WASL: variants seen among roughly 807,000 people sequenced by gnomAD.
WASL encodes actin nucleation-promoting factor WASL.
A neutral mutation model predicts 55.5 loss-of-function variants in WASL; 20 were observed. The ratio of observed to expected loss-of-function variants is 0.36; its 90% confidence interval spans 0.25 to 0.52. The LOEUF is 0.52. Among genes scored for constraint, WASL ranks in the 20% least tolerant of loss-of-function variants. The pLI is 0.92. For synonymous variants in WASL, 249 were observed against 217.6 expected (o/e 1.14, Z -1.27); for missense variants, 504 against 622.5 (o/e 0.81, Z 2.03).
At position 123,692,830 on chromosome 7, in the gene WASL, A is replaced by T; in HGVS notation, c.864T>A (p.Pro288=). 1 of 1,394,474 alleles carries T rather than the reference A, an allele frequency of 7.2e-7. No individual in the cohort carries two copies. The highest frequency in any genetic ancestry group is 9.3e-7 in the Non-Finnish European group (1 of 1,070,412). The allele number at this position is 1,394,474 out of a possible 1,614,324, so 86.4% of individuals were successfully genotyped here. A position where few individuals can be genotyped will look rare whatever the true frequency, so the allele number is the denominator to read the frequency against. Residue 288 remains proline (P), a synonymous_variant, in exon 9 of 11, where the codon CCT becomes CCA. Coordinates refer to ENST00000223023, the MANE Select transcript of WASL (RefSeq NM_003941.4). ...AGTTGTGTGGAGGGGGAGGAGGAGG[A>T]GGTGGCCCTCCCCTTGATGGTGGTG... The part of the protein sequence containing the change: ...PPPPPSRGGP[P]PPPPPPHNSG...
intron 8 of WASL, 141 bp downstream of exon 8, chr7:123,694,574 G>A (rs1292049007): frequency 8.1e-6 from 6 of 744,418 alleles, no homozygotes; most frequent in Non-Finnish European, 1.3e-5. Flanking sequence ...AAGACACAGT[G>A]TGATGGGCCA....
chr7:123,697,759 A>C (rs1409040809), intron 5 of WASL, among the ~76,000 whole-genome samples: 1 of 152,194 alleles, frequency 6.6e-6, no homozygotes, highest in African/African-American at 2.4e-5. Flanking sequence ...ACCACTTGGG[A>C]AGTTGGATTT....
At chr7:123,726,866 A>AAAT (rs144632237) in intron 1 of WASL, among the ~76,000 whole-genome samples, 32,093 of 151,254 alleles carry the variant, frequency 0.21, 4,079 homozygotes, top group Non-Finnish European at 0.3. Flanking sequence ...ACTTCATCTC[A>AAAT]AATAATAATA....
At chr7:123,692,199 A>C in intron 9 of WASL, 148 bp downstream of exon 9, 1 of 1,122,946 alleles carries the variant, frequency 8.9e-7, no homozygotes, top group Non-Finnish European at 1.2e-6. Flanking sequence ...ATGTCACTGC[A>C]TGTAAAAGTA....
At chr7:123,709,906 T>C (rs529240365) in intron 1 of WASL, among the ~76,000 whole-genome samples, 5 of 152,264 alleles carry the variant, frequency 3.3e-5, no homozygotes, top group South Asian at 2.1e-4. Context: ...TGAAAAAGAT[T>C]TGAGTGACTA....
At chr7:123,713,883 T>C (rs1340784787) in intron 1 of WASL, among the ~76,000 whole-genome samples, 1 of 152,156 alleles carries the variant, frequency 6.6e-6, no homozygotes, top group Non-Finnish European at 1.5e-5. Flanking sequence ...ATACAGTTAT[T>C]AGCAGGATGA....
intron 1 of WASL, among the ~76,000 whole-genome samples, chr7:123,740,551 T>C (rs981099119): frequency 6.6e-6 from 1 of 152,114 alleles, no homozygotes; most frequent in Non-Finnish European, 1.5e-5. Flanking sequence ...TCAAATAACA[T>C]CCTTTTGTTC....
intron 1 of WASL, among the ~76,000 whole-genome samples, chr7:123,728,217 A>G (rs1203953235): frequency 6.6e-6 from 1 of 152,200 alleles, no homozygotes; most frequent in African/African-American, 2.4e-5. Context: ...GTTTAACATT[A>G]CCTGGGGACT....
intron 1 of WASL, among the ~76,000 whole-genome samples, chr7:123,717,947 C>A (rs1278194366): frequency 6.6e-6 from 1 of 151,984 alleles, no homozygotes; most frequent in Non-Finnish European, 1.5e-5. Flanking sequence ...GAATTTGGTC[C>A]ATGGTTGGTA....
intron 5 of WASL, among the ~76,000 whole-genome samples, chr7:123,697,844 T>C (rs974481379): frequency 1.3e-5 from 2 of 152,238 alleles, no homozygotes; most frequent in African/African-American, 4.8e-5. Flanking sequence ...ATGCAGTTTA[T>C]GTTGAACATC....
At position 123,682,339 on chromosome 7, in the gene WASL, C is replaced by A. The variant is rs1222948950; in HGVS notation, c.*2180G>T. The A allele has an allele frequency of 1.3e-5, 2 of 152,116 alleles. No individual in the cohort carries two copies. Among genetic ancestry groups the A allele is most frequent in the African/African-American group, 2.4e-5 (1 of 41,422 alleles). 9.4% of individuals were successfully genotyped at this position (152,116 alleles called of 1,614,324 possible). ...TTAGTCTTCATGCCTGGACTGAACTCCACAGCTGCTGTGTTTCAACCAACA... is the reference window on the plus strand; with the variant it reads ...TTAGTCTTCATGCCTGGACTGAACTACACAGCTGCTGTGTTTCAACCAACA... On this transcript the variant is annotated 3_prime_UTR_variant, in exon 11 of 11. Coordinates refer to ENST00000223023, the MANE Select transcript of WASL (RefSeq NM_003941.4).
intron 6 of WASL, 96 bp downstream of exon 6, chr7:123,696,483 C>T (rs1171360416): frequency 7.8e-6 from 10 of 1,278,346 alleles, no homozygotes; most frequent in Admixed American, 3.1e-5. Flanking sequence ...ACACACCCTC[C>T]CGAAAAGAGA....
intron 1 of WASL, among the ~76,000 whole-genome samples, chr7:123,726,958 T>C (rs1034301112): frequency 1.3e-5 from 2 of 152,114 alleles, no homozygotes; most frequent in Non-Finnish European, 2.9e-5. Context: ...GTCCAGAATA[T>C]ATATAACATC....
At chr7:123,713,308 A>G (rs868144756) in intron 1 of WASL, among the ~76,000 whole-genome samples, 1 of 151,990 alleles carries the variant, frequency 6.6e-6, no homozygotes, top group African/African-American at 2.4e-5. Flanking sequence ...ACACACCACT[A>G]TGACGGGCTA....
Position 123,748,862 on chromosome 7 carries a change from G to A in WASL, c.-128C>T, listed in dbSNP as rs1000176292. 3.5e-5 allele frequency: 25 copies of A among 721,082 alleles called. No individual in the cohort carries two copies. In the East Asian group the frequency reaches 7.3e-4, roughly 21 times the overall value. 44.7% of individuals were successfully genotyped at this position (721,082 alleles called of 1,614,324 possible). On this transcript the variant is annotated 5_prime_UTR_variant, in exon 1 of 11. Coordinates refer to ENST00000223023, the MANE Select transcript of WASL (RefSeq NM_003941.4). Reference sequence around the variant, plus strand: ...AGGCGCCACATCTCGCAGCTCCTCCGGAGCGGGGAGGAGGACGAGGTCGAG... The same window carrying A: ...AGGCGCCACATCTCGCAGCTCCTCCAGAGCGGGGAGGAGGACGAGGTCGAG...
At chr7:123,713,018 T>C (rs868720278) in intron 1 of WASL, among the ~76,000 whole-genome samples, 1 of 152,222 alleles carries the variant, frequency 6.6e-6, no homozygotes, top group African/African-American at 2.4e-5. Context: ...ACAGGGATCC[T>C]TGTTTTTAGC....
chr7:123,689,177 A>T (rs1450782735), intron 9 of WASL, 27 bp from the exon 10 acceptor site: 4 of 1,583,460 alleles, frequency 2.5e-6, no homozygotes, highest in Admixed American at 3.4e-5. Context: ...AGCAAAACTC[A>T]GTAATAAATC....
chr7:123,733,139 C>T (rs375509199), intron 1 of WASL, among the ~76,000 whole-genome samples: 48 of 152,282 alleles, frequency 3.2e-4, no homozygotes, highest in South Asian at 3.1e-3. Flanking sequence ...ACTCCTATTC[C>T]ATATCCTTCT....
intron 1 of WASL, among the ~76,000 whole-genome samples, chr7:123,723,238 C>T (rs988085064): frequency 6.6e-6 from 1 of 151,998 alleles, no homozygotes; most frequent in African/African-American, 2.4e-5. Context: ...TATTACTAGC[C>T]AACAGAAGCT....
Sources: gnomAD v4.1 joint callset for allele counts (sites outside exome capture counted in the v4.1 genomes callset) on GRCh38, gnomAD v4.1.1 for gene constraint, MANE v1.5 for transcripts, NCBI Gene and HGNC (gene_info 2026-07-23, HGNC 2026-07-21) for gene names.